The following JAK2 variants were observed in gnomAD, a reference collection of about 807,000 sequenced individuals.
JAK2 encodes Janus kinase 2.
In JAK2, 86 loss-of-function variants were observed where a neutral mutation model predicts 139.3. That is an observed-to-expected ratio of 0.62 (90% CI 0.52 to 0.74). The LOEUF (loss-of-function observed/expected upper bound fraction) is 0.74. Ranked by LOEUF, JAK2 falls within the 30% of genes least tolerant of loss-of-function variation. JAK2 has a pLI of 0.00. For missense variants in JAK2, 1,421 were observed against 1,360.3 expected, an observed-to-expected ratio of 1.04 and a Z score of -0.70; for synonymous variants, 490 against 437.7, an observed-to-expected ratio of 1.12 and a Z score of -1.49.
chr9:5,111,135 C>G (rs1216926495), intron 22 of JAK2: 1 of 1,030,768 alleles, frequency 9.7e-7, no homozygotes, highest in East Asian at 3.0e-5. Flanking sequence ...GCTGGACGTT[C>G]AGCGAAGGCG....
chr9:5,125,153 C>A (rs1327561568), intron 23 of JAK2, among the ~76,000 whole-genome samples: 1 of 150,950 alleles, frequency 6.6e-6, no homozygotes, highest in Non-Finnish European at 1.5e-5. Context: ...GAGAAGACCA[C>A]CTCAATATTG....
At chr9:4,996,538 T>C (rs1820571538) in intron 2 of JAK2, among the ~76,000 whole-genome samples, 1 of 152,138 alleles carries the variant, frequency 6.6e-6, no homozygotes, top group African/African-American at 2.4e-5. Context: ...ATTTATTTTT[T>C]TAAATACATG....
intron 4 of JAK2, among the ~76,000 whole-genome samples, chr9:5,036,978 A>T (rs1816086100): frequency 6.6e-6 from 1 of 152,250 alleles, no homozygotes. Flanking sequence ...TAAAGGGCTA[A>T]TATCCAGAAT....
At position 5,071,392 on chromosome 9, in the gene JAK2, A is replaced by G. The variant is rs143219491; in HGVS notation, c.1642-1100A>G. Among the ~76,000 whole-genome samples the G allele has an allele frequency of 4.6e-5, 7 of 152,354 alleles. No individual in the cohort carries two copies. The East Asian group carries it at 1.3e-3, about 29-fold the overall frequency. ...ATCACAGAATTTTCAGATACAGACTATAAAATACATATACATGTTTAAAGA... is the reference window on the plus strand; with the variant it reads ...ATCACAGAATTTTCAGATACAGACTGTAAAATACATATACATGTTTAAAGA... On this transcript the variant is annotated intron_variant, in intron 12 of 24. Transcript: ENST00000381652.
chr9:4,988,360 C>A (rs2129688946), intron 2 of JAK2, among the ~76,000 whole-genome samples: 1 of 152,316 alleles, frequency 6.6e-6, no homozygotes, highest in South Asian at 2.1e-4. Context: ...GCAACTACTA[C>A]ATGAAAATGA....
intron 2 of JAK2, among the ~76,000 whole-genome samples, chr9:4,987,086 A>G (rs1292569910): frequency 2.0e-5 from 3 of 152,202 alleles, no homozygotes; most frequent in African/African-American, 7.2e-5. Context: ...TTGGTGTGTA[A>G]CGTATGTACA....
At chr9:4,999,943 A>C (rs1490357431) in intron 2 of JAK2, among the ~76,000 whole-genome samples, 1 of 152,180 alleles carries the variant, frequency 6.6e-6, no homozygotes, top group African/African-American at 2.4e-5. Flanking sequence ...CTTTGCCAAC[A>C]CTGGGTATTG....
chr9:5,003,862 G>C (rs1397647195), intron 2 of JAK2, among the ~76,000 whole-genome samples: 3 of 151,956 alleles, frequency 2.0e-5, no homozygotes, highest in African/African-American at 7.2e-5. Context: ...GAGTGAGGAA[G>C]TTTGCTTTTA....
chr9:5,098,473 TACTC>T (rs1181038394), intron 22 of JAK2: 1 of 152,138 alleles, frequency 6.6e-6, no homozygotes, highest in Non-Finnish European at 1.5e-5. Flanking sequence ...ATTTCCGTAA[TACTC>T]ACAACAAAAT....
rs1337340745 is a variant in JAK2 at position 5,058,176 on chromosome 9, TCTG to T, written c.1056+2391_1056+2393del. Reference sequence around the variant, plus strand: ...GGGTGTACAAATATCTCTTGAAAACTCTGCTTTCAATTCCTTTGGATATATACC... The same window carrying T: ...GGGTGTACAAATATCTCTTGAAAACTCTTTCAATTCCTTTGGATATATACC... On this transcript the variant is annotated intron_variant, in intron 8 of 24. Coordinates refer to ENST00000381652, the MANE Select transcript of JAK2 (RefSeq NM_004972.4). Among the ~76,000 whole-genome samples the T allele has an allele frequency of 5.3e-5, 8 of 152,326 alleles. No individual in the cohort carries two copies. The East Asian group carries it at 1.4e-3, about 26-fold the overall frequency.
In JAK2 at chr9:5,004,597, T is replaced by G. The variant is rs575151666; in HGVS notation, c.-25-17366T>G. 7.4e-4 allele frequency among the ~76,000 whole-genome samples: 112 copies of G among 152,340 alleles called. 1 individual carries two copies. The highest frequency in any genetic ancestry group is 7.8e-4 in the Admixed American group (12 of 15,306). On this transcript the variant is annotated intron_variant, in intron 2 of 24. Coordinates refer to ENST00000381652, the MANE Select transcript of JAK2 (RefSeq NM_004972.4). ...ATTAAGAATAATGCTGCAATGAGCA[T>G]GGGAGTGTAGATATTGCTTTGACAT...
chr9:5,085,939 G>T, intron 19 of JAK2: 2 of 1,116,730 alleles, frequency 1.8e-6, no homozygotes, highest in Non-Finnish European at 2.7e-6. Flanking sequence ...CTCCAACCGA[G>T]TTTGAAAGGA....
intron 2 of JAK2, among the ~76,000 whole-genome samples, chr9:5,014,970 A>G (rs1383934848): frequency 3.3e-5 from 5 of 151,830 alleles, no homozygotes; most frequent in Non-Finnish European, 5.9e-5. Context: ...ACACATGTAT[A>G]TGCCTAAACA....
At chr9:5,085,247 C>T in intron 19 of JAK2, 1 of 675,612 alleles carries the variant, frequency 1.5e-6, no homozygotes, top group Non-Finnish European at 2.8e-6. Context: ...GGACCAGTGG[C>T]TAACCTGAGA....
intron 5 of JAK2, 115 bp from the exon 6 acceptor site, chr9:5,050,571 A>T (rs1586704686): frequency 9.0e-7 from 1 of 1,105,092 alleles, no homozygotes; most frequent in Non-Finnish European, 1.3e-6. Context: ...GAGCCTGGCC[A>T]ATTTGTATCT....
chr9:5,092,237 A>T (rs898152860), intron 22 of JAK2, among the ~76,000 whole-genome samples: 5 of 152,160 alleles, frequency 3.3e-5, no homozygotes, highest in Non-Finnish European at 7.4e-5. Flanking sequence ...TTTAGCAGTA[A>T]ACCAAGAGTA....
chr9:5,042,705 G>A (rs1224155685), intron 4 of JAK2, among the ~76,000 whole-genome samples: 1 of 152,136 alleles, frequency 6.6e-6, no homozygotes, highest in East Asian at 1.9e-4. Flanking sequence ...GGGGTGCTGT[G>A]GGGCCATCTT....
At chr9:5,064,858 A>G (rs1196509016) in intron 8 of JAK2, 25 bp from the exon 9 acceptor site, 3 of 1,493,612 alleles carry the variant, frequency 2.0e-6, no homozygotes, top group South Asian at 1.4e-5. Flanking sequence ...AAAAGGTGCT[A>G]TTTCTTTTTC....
chr9:5,026,760 A>G (rs1395454316), intron 3 of JAK2, among the ~76,000 whole-genome samples: 4 of 152,170 alleles, frequency 2.6e-5, no homozygotes, highest in Non-Finnish European at 5.9e-5. Flanking sequence ...ATGCTTGAAA[A>G]TAGCTTGTAT....
Sources: allele counts gnomAD v4.1 joint callset (sites outside exome capture counted in the v4.1 genomes callset), GRCh38; gene constraint gnomAD v4.1.1; transcripts MANE v1.5; gene names NCBI Gene and HGNC (gene_info 2026-07-23, HGNC 2026-07-21).